The following MFSD6 variants were observed in gnomAD, a reference collection of about 807,000 sequenced individuals.
The protein encoded by MFSD6 is major facilitator superfamily domain-containing protein 6.
In MFSD6, 26 loss-of-function variants were observed where a neutral mutation model predicts 56.3. The ratio of observed to expected loss-of-function variants is 0.46; its 90% confidence interval spans 0.34 to 0.64. The LOEUF (loss-of-function observed/expected upper bound fraction) is 0.64, where lower values mean the gene tolerates loss of function less well. Ranked by LOEUF, MFSD6 falls within the 30% of genes least tolerant of loss-of-function variation. The pLI, the probability that MFSD6 is intolerant of heterozygous loss-of-function variation, is 0.01. For missense variants in MFSD6, 750 were observed against 986.2 expected, an observed-to-expected ratio of 0.76 and a Z score of 3.21; for synonymous variants, 331 against 366.9, an observed-to-expected ratio of 0.90 and a Z score of 1.12.
At chr2:190,407,808 C>T (rs1413468203), upstream of MFSD6, among the ~76,000 whole-genome samples, 2 of 152,192 alleles carry the variant, frequency 1.3e-5, no homozygotes, top group Admixed American at 1.3e-4. This position sits in a 1 kb window ranked among gnomAD's most constrained non-coding sequence, Gnocchi z 5.4. Context: ...TCCTCCCTCC[C>T]GGGTCAACCT....
rs1686214460 is a variant in MFSD6, at chr2:190,437,337, G to C, written c.1308G>C (p.Trp436Cys). The C allele has an allele frequency of 2.5e-6, 4 of 1,614,098 alleles. No homozygotes were observed. Among genetic ancestry groups the C allele is most frequent in the East Asian group, 2.2e-5 (1 of 44,894 alleles). Residue 436 changes from tryptophan (W) to cysteine (C), a missense_variant, in exon 3 of 8, where the codon TGG (tryptophan) becomes TGC (cysteine). Physicochemically the swap from Trp to Cys is radical, Grantham distance 215. This residue lies in a region of MFSD6 where 376 missense variants were observed against 437.9 expected (regional missense o/e 0.86). Coordinates refer to ENST00000392328, the MANE Select transcript of MFSD6 (RefSeq NM_017694.4). This position sits in a 1 kb window ranked among gnomAD's most constrained non-coding sequence, Gnocchi z 5.9. ...TTSHSQAFNF[W>C]DLIKLLCSVQ... The stretch of plus-strand genomic sequence containing the variant: ...GCCACTCGCAGGCCTTCAACTTTTG[G>C]GACTTAATCAAGCTGCTCTGCAGCG...
rs1479508487 is a variant in MFSD6 at position 190,413,587 on chromosome 2, A to C, written c.-175-1705A>C. ...GGGACACTATGAATCAGCAGTGGGC[A>C]GAGTGAGCTCTGGTGTGTGGCTTTG... is the stretch of plus-strand genomic sequence containing the variant. On this transcript the variant is annotated intron_variant, in intron 1 of 7. Coordinates refer to ENST00000392328, the MANE Select transcript of MFSD6 (RefSeq NM_017694.4). This position sits in a 1 kb window ranked among gnomAD's most constrained non-coding sequence, Gnocchi z 4.1. 1.3e-5 allele frequency among the ~76,000 whole-genome samples: 2 copies of C among 152,212 alleles called. No individual in the cohort carries two copies. Among genetic ancestry groups the C allele is most frequent in the African/African-American group, 4.8e-5 (2 of 41,454 alleles).
rs1030282474 is a variant in MFSD6 at position 190,491,203 on chromosome 2, G to C, written c.1891+1337G>C. ...TTTGATTAGTGAGAATATGGTACTG[G>C]GTTAGTTTTTAAAATACTTGTGTTC... is the stretch of plus-strand genomic sequence containing the variant. On this transcript the variant is annotated intron_variant, in intron 6 of 7. Coordinates refer to ENST00000392328, the MANE Select transcript of MFSD6 (RefSeq NM_017694.4). This position sits in a 1 kb window ranked among gnomAD's most constrained non-coding sequence, Gnocchi z 4.2. Among the ~76,000 whole-genome samples the C allele has an allele frequency of 6.6e-6, 1 of 152,118 alleles. No individual in the cohort carries two copies. The highest frequency in any genetic ancestry group is 2.4e-5 in the African/African-American group (1 of 41,416).
chr2:190,480,817 C>T (rs1007409278), intron 4 of MFSD6, among the ~76,000 whole-genome samples: 13 of 152,116 alleles, frequency 8.5e-5, no homozygotes, highest in African/African-American at 2.9e-4. Context: ...AGCACAGTAC[C>T]TGACCCACAG....
chr2:190,450,316 A>T (rs1226952894), intron 3 of MFSD6, among the ~76,000 whole-genome samples: 1 of 152,082 alleles, frequency 6.6e-6, no homozygotes, highest in African/African-American at 2.4e-5. Flanking sequence ...TTTTCTCAGA[A>T]GCTTACTTCA....
intron 4 of MFSD6, among the ~76,000 whole-genome samples, chr2:190,478,804 C>G (rs1424271686): frequency 6.7e-6 from 1 of 149,266 alleles, no homozygotes; most frequent in Non-Finnish European, 1.5e-5. Flanking sequence ...TTTTTTGGTT[C>G]CTAGCCAGAA....
At position 190,409,791 on chromosome 2, in the gene MFSD6, C is replaced by G. The variant is rs1377101908; in HGVS notation, c.-176+1288C>G. Among the ~76,000 whole-genome samples the G allele has an allele frequency of 2.6e-5, 4 of 152,176 alleles. No individual in the cohort carries two copies. The East Asian group carries it at 7.7e-4, about 29-fold the overall frequency. Reference sequence around the variant, plus strand: ...GGATAGGATCCTCCTCTTTGGGAAGCTTGGCTTTTGACACGTCAAGCTGCT... The same window carrying G: ...GGATAGGATCCTCCTCTTTGGGAAGGTTGGCTTTTGACACGTCAAGCTGCT... On this transcript the variant is annotated intron_variant, in intron 1 of 7. Coordinates refer to ENST00000392328, the MANE Select transcript of MFSD6 (RefSeq NM_017694.4).
chr2:190,434,420 CATTT>C lies in MFSD6; in HGVS notation c.-53-1548_-53-1545del, dbSNP rs894510188. Among the ~76,000 whole-genome samples the C allele has an allele frequency of 3.3e-5, 5 of 151,928 alleles. No individual in the cohort carries two copies. The highest frequency in any genetic ancestry group is 1.2e-4 in the African/African-American group (5 of 41,382). On this transcript the variant is annotated intron_variant, in intron 2 of 7. Transcript: ENST00000392328. This position sits in a 1 kb window ranked among gnomAD's most constrained non-coding sequence, Gnocchi z 4.3. ...TATTGCTAATATCGTATATGAAAAA[CATTT>C]ATTTATTTTATTTTATTTATTTATT...
chr2:190,440,782 A>T (rs1322546167), intron 3 of MFSD6, among the ~76,000 whole-genome samples: 1 of 152,226 alleles, frequency 6.6e-6, no homozygotes, highest in Non-Finnish European at 1.5e-5. Flanking sequence ...ATTACCTATT[A>T]TTAGCCATCA....
chr2:190,455,375 A>G (rs1686975626), intron 3 of MFSD6, among the ~76,000 whole-genome samples: 1 of 152,180 alleles, frequency 6.6e-6, no homozygotes, highest in African/African-American at 2.4e-5. Flanking sequence ...AGTGATCACT[A>G]CTTTTTGTGT....
At chr2:190,440,396 T>G (rs1234897460) in intron 3 of MFSD6, among the ~76,000 whole-genome samples, 1 of 152,200 alleles carries the variant, frequency 6.6e-6, no homozygotes, top group Non-Finnish European at 1.5e-5. Flanking sequence ...GCAAATAGGA[T>G]AATAATGCTA....
rs905321328 is a variant in MFSD6, at chr2:190,500,686, A to T, written c.*468A>T. 2.0e-5 allele frequency: 3 copies of T among 153,340 alleles called. No homozygotes were observed. The highest frequency in any genetic ancestry group is 1.3e-4 in the Admixed American group (2 of 15,408). The allele number at this position is 153,340 out of a possible 1,614,324, so 9.5% of individuals were successfully genotyped here. A position where few individuals can be genotyped will look rare whatever the true frequency, so the allele number is the denominator to read the frequency against. ...TCTTTTTTCTTGGAGAGAACCGTTT[A>T]AAAAATTACAAGATATATTTAAAAA... On this transcript the variant is annotated 3_prime_UTR_variant, in exon 8 of 8. Transcript: ENST00000392328. The surrounding 1 kb of genome is among the most constrained non-coding windows in gnomAD (Gnocchi z 5.3).
chr2:190,458,219 C>CTA lies in MFSD6; in HGVS notation c.1533-11538_1533-11537dup, dbSNP rs1687141775. Among the ~76,000 whole-genome samples the CTA allele has an allele frequency of 6.6e-6, 1 of 151,894 alleles. No homozygotes were observed. Among genetic ancestry groups the CTA allele is most frequent in the Non-Finnish European group, 1.5e-5 (1 of 68,014 alleles). On this transcript the variant is annotated intron_variant, in intron 3 of 7. Transcript: ENST00000392328. This position sits in a 1 kb window ranked among gnomAD's most constrained non-coding sequence, Gnocchi z 5.3. ...CCCTGAAGATTCATACGTTGAGGTC[C>CTA]TAACCCACAGTACCTCAGAGTGTGA... is the stretch of plus-strand genomic sequence containing the variant.
At chr2:190,455,645 GA>G (rs956580726) in intron 3 of MFSD6, among the ~76,000 whole-genome samples, 2 of 152,106 alleles carry the variant, frequency 1.3e-5, no homozygotes, top group African/African-American at 4.8e-5. Context: ...CATGAGATAT[GA>G]AGTGGAAAAA....
chr2:190,499,684 C>G lies in MFSD6; in HGVS notation c.2173-331C>G. On this transcript the variant is annotated intron_variant, in intron 7 of 7. Transcript: ENST00000392328. The surrounding 1 kb of genome is among the most constrained non-coding windows in gnomAD (Gnocchi z 6.0). ...CAGTTATTCCATAGTGCTTGCCCAG[C>G]GACTTGCCACATGGCTTGGGGGGCT... The G allele has an allele frequency of 1.2e-6, 1 of 823,062 alleles. No homozygotes were observed. Among genetic ancestry groups the G allele is most frequent in the Non-Finnish European group, 1.7e-6 (1 of 579,680 alleles). The allele number at this position is 823,062 out of a possible 1,614,324, so 51.0% of individuals were successfully genotyped here.
rs1369266726 is a variant in MFSD6, at chr2:190,437,947, A to C, written c.1532+386A>C. ...TTTATGAACCAGAGCTTAAGTAGAT[A>C]AAGTGGACTTTTTTAAGCCTTTATT... On this transcript the variant is annotated intron_variant, in intron 3 of 7. Transcript: ENST00000392328. The surrounding 1 kb of genome is among the most constrained non-coding windows in gnomAD (Gnocchi z 5.9). Among the ~76,000 whole-genome samples, 4 of 152,176 alleles carry C rather than the reference A, an allele frequency of 2.6e-5. No homozygotes were observed. Among genetic ancestry groups the C allele is most frequent in the Admixed American group, 1.3e-4 (2 of 15,278 alleles).
rs79284148 is a variant in MFSD6, at chr2:190,426,914, G to A, written c.-53-9063G>A. ...GAAGGGAGGATGCTGCTTTATTACTGCCAGCTGGAGGTAGAAGTCCAAGTT... is the reference window on the plus strand; with the variant it reads ...GAAGGGAGGATGCTGCTTTATTACTACCAGCTGGAGGTAGAAGTCCAAGTT... On this transcript the variant is annotated intron_variant, in intron 2 of 7. Transcript: ENST00000392328. This position sits in a 1 kb window ranked among gnomAD's most constrained non-coding sequence, Gnocchi z 4.7. 1.5e-3 allele frequency among the ~76,000 whole-genome samples: 225 copies of A among 152,314 alleles called. 1 individual carries two copies. Among genetic ancestry groups the A allele is most frequent in the African/African-American group, 5.1e-3 (213 of 41,548 alleles).
At position 190,434,182 on chromosome 2, in the gene MFSD6, CA is replaced by C. The variant is rs67545783; in HGVS notation, c.-53-1782del. 2.7e-4 allele frequency among the ~76,000 whole-genome samples: 35 copies of C among 129,754 alleles called. No individual in the cohort carries two copies. Among genetic ancestry groups the C allele is most frequent in the Non-Finnish European group, 3.2e-4 (20 of 62,084 alleles). The allele number at this position is 129,754 out of a possible 152,430, so 85.1% of individuals were successfully genotyped here. On this transcript the variant is annotated intron_variant, in intron 2 of 7. Transcript: ENST00000392328. This position sits in a 1 kb window ranked among gnomAD's most constrained non-coding sequence, Gnocchi z 4.3. ...GGTGACAGAGTAAGACCCTGTCTCT[CA>C]AAAAAAAAAAAAGAAAAAAAAGAAA...
In MFSD6 at chr2:190,494,905, G is replaced by A. The variant is rs1689577364; in HGVS notation, c.1892-2534G>A. ...CACAGCCAACATAATACTGAACAGG[G>A]AGAAGTTGGAAGCATTCCCTCTGAA... On this transcript the variant is annotated intron_variant, in intron 6 of 7. Transcript: ENST00000392328. The surrounding 1 kb of genome is among the most constrained non-coding windows in gnomAD (Gnocchi z 5.7). Among the ~76,000 whole-genome samples the A allele has an allele frequency of 6.6e-6, 1 of 152,102 alleles. No individual in the cohort carries two copies. The highest frequency in any genetic ancestry group is 6.6e-5 in the Admixed American group (1 of 15,264).
Sources: allele counts gnomAD v4.1 joint callset (sites outside exome capture counted in the v4.1 genomes callset), GRCh38; gene constraint gnomAD v4.1.1; regional missense constraint gnomAD v4.1.1; non-coding constraint Gnocchi (gnomAD v3.1); transcripts MANE v1.5; gene names NCBI Gene and HGNC (gene_info 2026-07-23, HGNC 2026-07-21).